The following LRFN2 variants were observed in gnomAD, a reference collection of about 807,000 sequenced individuals.
The protein encoded by LRFN2 is leucine-rich repeat and fibronectin type-III domain-containing protein 2.
In LRFN2, 18 loss-of-function variants were observed where a neutral mutation model predicts 37.3. The observed-to-expected ratio is 0.48, with a 90% CI of 0.33 to 0.72. LRFN2 has a LOEUF of 0.72. Among genes scored for constraint, LRFN2 ranks in the 30% least tolerant of loss-of-function variants. LRFN2 has a pLI of 0.02. For synonymous variants in LRFN2, 556 were observed against 466.6 expected (o/e 1.19, Z -2.47); for missense variants, 1,006 against 1,060.7 (o/e 0.95, Z 0.72).
intron 1 of LRFN2, among the ~76,000 whole-genome samples, chr6:40,499,055 T>A (rs1381086408): frequency 6.6e-6 from 1 of 152,226 alleles, no homozygotes; most frequent in Non-Finnish European, 1.5e-5. Flanking sequence ...AAGGCATTTT[T>A]ATGATGCCCC....
chr6:40,449,539 A>G (rs1339698217), intron 1 of LRFN2, among the ~76,000 whole-genome samples: 1 of 152,142 alleles, frequency 6.6e-6, no homozygotes, highest in Non-Finnish European at 1.5e-5. Flanking sequence ...TGGAATGTAG[A>G]TGGGGTGGGT....
rs879193768 is a variant in LRFN2 at position 40,431,752 on chromosome 6, C to A, written c.1362G>T (p.Leu454=). The A allele has an allele frequency of 3.9e-6, 6 of 1,522,836 alleles. No individual in the cohort carries two copies. The highest frequency in any genetic ancestry group is 2.8e-5 in the African/African-American group (2 of 72,036). 94.3% of individuals were successfully genotyped at this position (1,522,836 alleles called of 1,614,324 possible). Residue 454 remains leucine (L), a synonymous_variant, in exon 2 of 3, where the codon CTG becomes CTT. Coordinates refer to ENST00000338305, the MANE Select transcript of LRFN2 (RefSeq NM_020737.3). ...KSAPRVKMYQ[L]QYNCSDDEVL... ...CCTCATCGTCAGAGCAGTTGTACTG[C>A]AGCTGGTACATCTTCACCCGGGGTG...
intron 1 of LRFN2, among the ~76,000 whole-genome samples, chr6:40,466,841 GT>G (rs1764481209): frequency 6.6e-6 from 1 of 152,130 alleles, no homozygotes; most frequent in South Asian, 2.1e-4. Context: ...GTATTTGGAG[GT>G]AAGAGTCTTG....
intron 1 of LRFN2, among the ~76,000 whole-genome samples, chr6:40,455,325 A>G (rs1764210032): frequency 1.3e-5 from 2 of 151,990 alleles, no homozygotes; most frequent in Admixed American, 1.3e-4. Context: ...CCCTCAGACC[A>G]CCAGCTGTTT....
intron 1 of LRFN2, among the ~76,000 whole-genome samples, chr6:40,468,365 G>A (rs1332448547): frequency 6.6e-6 from 1 of 152,124 alleles, no homozygotes; most frequent in East Asian, 1.9e-4. Flanking sequence ...TGCGGCCCCA[G>A]TAAAAACATG....
intron 1 of LRFN2, among the ~76,000 whole-genome samples, chr6:40,491,263 G>A (rs1271581576): frequency 6.6e-6 from 1 of 152,154 alleles, no homozygotes; most frequent in Non-Finnish European, 1.5e-5. Context: ...CTCTTTCCTT[G>A]GGACCCCACG....
chr6:40,426,641 GT>G (rs1337173137), intron 2 of LRFN2, among the ~76,000 whole-genome samples: 3 of 152,208 alleles, frequency 2.0e-5, no homozygotes, highest in African/African-American at 7.2e-5. Flanking sequence ...ATGCACGCAT[GT>G]GTCTATATGT....
intron 2 of LRFN2, among the ~76,000 whole-genome samples, chr6:40,393,335 A>T (rs1417274283): frequency 6.6e-6 from 1 of 152,008 alleles, no homozygotes; most frequent in Non-Finnish European, 1.5e-5. Context: ...GATGTGTCAG[A>T]GACCGAGGAT....
chr6:40,411,323 G>T (rs994942474), intron 2 of LRFN2, among the ~76,000 whole-genome samples: 1 of 152,204 alleles, frequency 6.6e-6, no homozygotes, highest in Non-Finnish European at 1.5e-5. Flanking sequence ...GGTAGGAGTA[G>T]GGGGGCTGTG....
At chr6:40,526,270 C>G (rs1766252486) in intron 1 of LRFN2, among the ~76,000 whole-genome samples, 2 of 152,218 alleles carry the variant, frequency 1.3e-5, no homozygotes, top group African/African-American at 4.8e-5. Flanking sequence ...ACCCAGTGAG[C>G]AAAAAGGTCA....
chr6:40,408,631 G>A lies in LRFN2; in HGVS notation c.1401-15719C>T, dbSNP rs192703468. Among the ~76,000 whole-genome samples the A allele has an allele frequency of 3.9e-5, 6 of 152,278 alleles. No individual in the cohort carries two copies. In the East Asian group the frequency reaches 9.6e-4, roughly 24 times the overall value. The stretch of plus-strand genomic sequence containing the variant: ...TCCTGCTCTAGCAATGACTAGCTGC[G>A]TGACCCTAGGCAGATTACTTACCCT... On this transcript the variant is annotated intron_variant, in intron 2 of 2. Transcript: ENST00000338305.
chr6:40,476,469 C>T (rs1417433343), intron 1 of LRFN2, among the ~76,000 whole-genome samples: 2 of 152,258 alleles, frequency 1.3e-5, no homozygotes, highest in African/African-American at 4.8e-5. Flanking sequence ...CCCATCCATA[C>T]TTCCAGCAAT....
rs536872257 is a variant in LRFN2 at position 40,473,975 on chromosome 6, C to T, written c.-18-40844G>A. On this transcript the variant is annotated intron_variant, in intron 1 of 2. Coordinates refer to ENST00000338305, the MANE Select transcript of LRFN2 (RefSeq NM_020737.3). ...CTCGCACACATGCCTCCTCACTCACCGGAATGCAAACACCCAGGTGTTCCT... is the reference window on the plus strand; with the variant it reads ...CTCGCACACATGCCTCCTCACTCACTGGAATGCAAACACCCAGGTGTTCCT... Among the ~76,000 whole-genome samples, 81 of 152,262 alleles carry T rather than the reference C, an allele frequency of 5.3e-4. 1 individual carries two copies. Among genetic ancestry groups the T allele is most frequent in the African/African-American group, 1.5e-3 (63 of 41,550 alleles).
At position 40,411,504 on chromosome 6, in the gene LRFN2, G is replaced by C. The variant is rs944345183; in HGVS notation, c.1401-18592C>G. ...AGGTCGGGTGAACACTCGAATCAGCGTCCTTACAAAGGCCACATGGCCCTG... is the reference window on the plus strand; with the variant it reads ...AGGTCGGGTGAACACTCGAATCAGCCTCCTTACAAAGGCCACATGGCCCTG... On this transcript the variant is annotated intron_variant, in intron 2 of 2. Transcript: ENST00000338305. Among the ~76,000 whole-genome samples the C allele has an allele frequency of 2.0e-5, 3 of 152,330 alleles. No individual in the cohort carries two copies. The East Asian group carries it at 5.8e-4, about 29-fold the overall frequency.
intron 1 of LRFN2, among the ~76,000 whole-genome samples, chr6:40,514,644 A>G (rs1765808497): frequency 6.6e-6 from 1 of 152,214 alleles, no homozygotes; most frequent in Non-Finnish European, 1.5e-5. Context: ...GTAAATCAGC[A>G]TTGTTATGTG....
At chr6:40,451,151 T>C (rs1417229334) in intron 1 of LRFN2, among the ~76,000 whole-genome samples, 1 of 152,226 alleles carries the variant, frequency 6.6e-6, no homozygotes, top group African/African-American at 2.4e-5. Context: ...GGGGATTTCT[T>C]TGGTCTGTGA....
intron 2 of LRFN2, 100 bp from the exon 3 acceptor site, chr6:40,393,012 AGG>A: frequency 2.5e-6 from 1 of 402,934 alleles, no homozygotes; most frequent in Non-Finnish European, 3.8e-6. Flanking sequence ...AGAGATGGGG[AGG>A]GGGAGGGGAG....
chr6:40,506,597 T>C (rs1765546494), intron 1 of LRFN2, among the ~76,000 whole-genome samples: 1 of 152,180 alleles, frequency 6.6e-6, no homozygotes, highest in Non-Finnish European at 1.5e-5. Flanking sequence ...GCTAGCATGC[T>C]GGCGGGTTCC....
intron 1 of LRFN2, among the ~76,000 whole-genome samples, chr6:40,491,655 T>C (rs1244542316): frequency 4.0e-4 from 57 of 143,036 alleles, no homozygotes; most frequent in African/African-American, 1.2e-3. Flanking sequence ...TCCATTTTGC[T>C]GTGTGACTGT....
Sources: allele counts gnomAD v4.1 joint callset (sites outside exome capture counted in the v4.1 genomes callset), GRCh38; gene constraint gnomAD v4.1.1; transcripts MANE v1.5; gene names NCBI Gene and HGNC (gene_info 2026-07-23, HGNC 2026-07-21).